EHBP1: variants seen among roughly 807,000 people sequenced by gnomAD.
The protein encoded by EHBP1 is EH domain-binding protein 1.
A neutral mutation model predicts 144.0 loss-of-function variants in EHBP1; 55 were observed. The observed-to-expected ratio is 0.38, with a 90% CI of 0.31 to 0.48. EHBP1 has a LOEUF of 0.48. Among genes scored for constraint, EHBP1 ranks in the 20% least tolerant of loss-of-function variants. The pLI is 0.98. For missense variants in EHBP1, 1,200 were observed against 1,364.2 expected (o/e 0.88, Z 1.90); for synonymous variants, 469 against 472.7 (o/e 0.99, Z 0.10).
At chr2:62,967,602 T>A (rs1003681519) in intron 14 of EHBP1, among the ~76,000 whole-genome samples, 3 of 152,226 alleles carry the variant, frequency 2.0e-5, no homozygotes, top group African/African-American at 7.2e-5. Flanking sequence ...TGATCACTTG[T>A]ATCTTACGGG....
chr2:62,812,204 T>C (rs1243614306), intron 5 of EHBP1, among the ~76,000 whole-genome samples: 1 of 152,216 alleles, frequency 6.6e-6, no homozygotes. Flanking sequence ...AGTTGGTGTT[T>C]TTAGGCTCTA....
intron 19 of EHBP1, among the ~76,000 whole-genome samples, chr2:63,017,705 C>T (rs1379147767): frequency 6.6e-6 from 1 of 151,924 alleles, no homozygotes; most frequent in Non-Finnish European, 1.5e-5. Flanking sequence ...CATCATCAAG[C>T]ACTAAAAAAA....
intron 13 of EHBP1, among the ~76,000 whole-genome samples, chr2:62,950,924 A>G (rs1465338829): frequency 6.6e-6 from 1 of 152,182 alleles, no homozygotes; most frequent in Non-Finnish European, 1.5e-5. Flanking sequence ...ACCTCAGGTG[A>G]TCCACCCGCC....
At chr2:62,944,309 T>G (rs1574171894) in intron 12 of EHBP1, among the ~76,000 whole-genome samples, 1 of 152,210 alleles carries the variant, frequency 6.6e-6, no homozygotes, top group African/African-American at 2.4e-5. Context: ...ATACAGTTAT[T>G]GCGCTGCAAA....
chr2:62,816,878 T>C (rs2045490561), intron 5 of EHBP1, among the ~76,000 whole-genome samples: 1 of 152,192 alleles, frequency 6.6e-6, no homozygotes, highest in South Asian at 2.1e-4. Context: ...GCTCCATTTC[T>C]CCACACACCC....
At chr2:62,711,427 A>G (rs948002495) in intron 2 of EHBP1, among the ~76,000 whole-genome samples, 2 of 152,210 alleles carry the variant, frequency 1.3e-5, no homozygotes, top group African/African-American at 4.8e-5. Context: ...GGATAGGGGA[A>G]CACTTGGGGA....
Position 62,949,042 on chromosome 2 carries a change from A to C in EHBP1, c.2196A>C (p.Ser732=). The change falls in exon 13 of 23, where the codon TCA becomes TCC. Residue 732 remains serine, a synonymous_variant. Coordinates refer to ENST00000431489, the MANE Select transcript of EHBP1 (RefSeq NM_001142616.3). ...CTCCTACTTCTAAACTTGGATACTC[A>C]TATAGTAGAGATCTAGACCTTGCTA... ...SLSPTSKLGY[S]YSRDLDLAKK... is the part of the protein sequence containing the mutation. 6.2e-7 allele frequency: 1 copy of C among 1,613,756 alleles called. No homozygotes were observed.
At chr2:62,699,305 T>C (rs2034203176) in intron 1 of EHBP1, among the ~76,000 whole-genome samples, 1 of 152,166 alleles carries the variant, frequency 6.6e-6, no homozygotes, top group African/African-American at 2.4e-5. Flanking sequence ...TGCCAAAGGC[T>C]CTTAACATTT....
intron 3 of EHBP1, among the ~76,000 whole-genome samples, chr2:62,756,728 A>T (rs1299260576): frequency 2.7e-5 from 4 of 148,322 alleles, no homozygotes; most frequent in African/African-American, 1.0e-4. Flanking sequence ...AGATCGTGCC[A>T]TTGCACTCCA....
chr2:62,979,785 A>G (rs550904106), intron 15 of EHBP1, among the ~76,000 whole-genome samples: 29 of 152,328 alleles, frequency 1.9e-4, no homozygotes, highest in African/African-American at 6.7e-4. Context: ...AGAAGTTTAT[A>G]TAAGTCCCAT....
At chr2:62,775,855 C>G (rs527774687) in intron 5 of EHBP1, among the ~76,000 whole-genome samples, 1 of 152,248 alleles carries the variant, frequency 6.6e-6, no homozygotes, top group South Asian at 2.1e-4. Context: ...TTTATCCAGT[C>G]TTGTCTTTCT....
chr2:62,941,937 T>C (rs2056778433), intron 10 of EHBP1, among the ~76,000 whole-genome samples: 1 of 152,108 alleles, frequency 6.6e-6, no homozygotes, highest in South Asian at 2.1e-4. Context: ...AACTTTAGAA[T>C]AAAATTGTTA....
chr2:62,856,176 A>G (rs2049040696), intron 7 of EHBP1, among the ~76,000 whole-genome samples: 2 of 152,172 alleles, frequency 1.3e-5, no homozygotes, highest in South Asian at 4.1e-4. Context: ...ATTGAATGGC[A>G]GGGTTAGGAG....
At chr2:62,831,261 T>C (rs1227457290) in intron 7 of EHBP1, 103 bp downstream of exon 7, 1 of 1,148,812 alleles carries the variant, frequency 8.7e-7, no homozygotes, top group Non-Finnish European at 1.2e-6. Context: ...TTGGGTTTCT[T>C]TTTTTTTCTT....
intron 10 of EHBP1, among the ~76,000 whole-genome samples, chr2:62,912,304 C>A (rs1330493180): frequency 5.3e-5 from 8 of 152,074 alleles, no homozygotes; most frequent in Non-Finnish European, 1.5e-5. Flanking sequence ...GTAATCCCAG[C>A]ACTTTGGAAG....
At chr2:62,873,335 A>G (rs1164766691) in intron 9 of EHBP1, among the ~76,000 whole-genome samples, 1 of 152,176 alleles carries the variant, frequency 6.6e-6, no homozygotes, top group African/African-American at 2.4e-5. Context: ...ATATATGAAG[A>G]AATGTACTTA....
chr2:62,979,579 T>TA (rs1187233745), intron 15 of EHBP1, among the ~76,000 whole-genome samples: 1 of 152,216 alleles, frequency 6.6e-6, no homozygotes, highest in Admixed American at 6.5e-5. Context: ...TATGCTTTTG[T>TA]AAAAAACTCA....
chr2:62,894,397 A>G (rs961494367), intron 10 of EHBP1, among the ~76,000 whole-genome samples: 1 of 152,164 alleles, frequency 6.6e-6, no homozygotes, highest in African/African-American at 2.4e-5. Context: ...GAAGAGGGAG[A>G]GAGAGAGAGA....
chr2:62,789,343 C>T (rs542214836), intron 5 of EHBP1, among the ~76,000 whole-genome samples: 1 of 152,266 alleles, frequency 6.6e-6, no homozygotes, highest in South Asian at 2.1e-4. Context: ...TACGTAATTA[C>T]ATCTGCTGAC....
Sources: gnomAD v4.1 joint callset for allele counts (sites outside exome capture counted in the v4.1 genomes callset) on GRCh38, gnomAD v4.1.1 for gene constraint, MANE v1.5 for transcripts, NCBI Gene and HGNC (gene_info 2026-07-23, HGNC 2026-07-21) for gene names.